Variants in IL1RAPL1 observed in about 807,000 individuals in gnomAD.
IL1RAPL1 encodes interleukin 1 receptor accessory protein like 1.
IL1RAPL1 carries 3 observed loss-of-function variants against 48.4 expected under a neutral mutation model. The observed-to-expected ratio is 0.06, with a 90% confidence interval of 0.03 to 0.16. IL1RAPL1 has a LOEUF of 0.16. IL1RAPL1 is among the 10% of genes least tolerant of loss of function. IL1RAPL1 has a pLI of 1.00. For missense variants in IL1RAPL1, 349 were observed against 530.6 expected (o/e 0.66, Z 3.36); for synonymous variants, 185 against 187.7 (o/e 0.99, Z 0.12).
chrX:29,129,566 T>G (rs1273816199), intron 2 of IL1RAPL1, among the ~76,000 whole-genome samples: 2 of 108,438 alleles, frequency 1.8e-5, no homozygotes, highest in African/African-American at 3.3e-5. Flanking sequence ...GTGAATTAAC[T>G]GTATATGCAG....
At chrX:29,659,810 G>A (rs1430585188) in intron 5 of IL1RAPL1, among the ~76,000 whole-genome samples, 1 of 111,545 alleles carries the variant, frequency 9.0e-6, no homozygotes, top group East Asian at 2.8e-4. Context: ...GAAGATTTTT[G>A]CTGTTGAGTT....
intron 2 of IL1RAPL1, among the ~76,000 whole-genome samples, chrX:28,970,398 C>A (rs1037272824): frequency 8.9e-6 from 1 of 112,436 alleles, no homozygotes; most frequent in East Asian, 2.8e-4. Flanking sequence ...AATGGGTACA[C>A]AAAGAACAGA....
intron 6 of IL1RAPL1, among the ~76,000 whole-genome samples, chrX:29,712,231 T>C (rs1182877683): frequency 9.0e-6 from 1 of 110,516 alleles, no homozygotes; most frequent in Non-Finnish European, 1.9e-5. Flanking sequence ...CTTCCTTCTA[T>C]TTTTATGAAT....
rs774435548 is a variant in IL1RAPL1 at position 29,173,914 on chromosome X, T to G, written c.83-109024T>G. On this transcript the variant is annotated intron_variant, in intron 2 of 10. Coordinates refer to ENST00000378993, the MANE Select transcript of IL1RAPL1 (RefSeq NM_014271.4). ...CATATGGATTTATAAAAATGAACAATCAACAAGATGCTTTTTTTTTTTTGA... is the reference window on the plus strand; with the variant it reads ...CATATGGATTTATAAAAATGAACAAGCAACAAGATGCTTTTTTTTTTTTGA... 1.8e-4 allele frequency among the ~76,000 whole-genome samples: 20 copies of G among 110,222 alleles called. 1 individual carries two copies. The highest frequency in any genetic ancestry group is 9.7e-5 in the Admixed American group (1 of 10,296).
chrX:29,027,928 G>T (rs973236138), intron 2 of IL1RAPL1, among the ~76,000 whole-genome samples: 52 of 108,981 alleles, frequency 4.8e-4, no homozygotes, highest in African/African-American at 1.7e-3. Context: ...CTTTTTGTGT[G>T]TGTGTGTGTG....
chrX:29,178,933 C>T (rs1197916488), intron 2 of IL1RAPL1, among the ~76,000 whole-genome samples: 1 of 111,424 alleles, frequency 9.0e-6, no homozygotes, highest in Non-Finnish European at 1.9e-5. Flanking sequence ...TCTGAGGGCT[C>T]TGTTCTGTTC....
chrX:28,625,495 A>G (rs917536471), intron 1 of IL1RAPL1, among the ~76,000 whole-genome samples: 13 of 111,604 alleles, frequency 1.2e-4, no homozygotes, highest in Non-Finnish European at 2.3e-4. Flanking sequence ...TATTTAGCAA[A>G]CACATGGGAA....
chrX:28,907,308 G>A lies in IL1RAPL1; in HGVS notation c.82+117883G>A, dbSNP rs79121467. ...CTCACTCTGTCACCCAGGCTGGAGT[G>A]CAATGGCACGATCTTGGCTCACTGC... is the stretch of plus-strand genomic sequence containing the variant. On this transcript the variant is annotated intron_variant, in intron 2 of 10. Transcript: ENST00000378993. Among the ~76,000 whole-genome samples, 4 of 111,911 alleles carry A rather than the reference G, an allele frequency of 3.6e-5. No individual in the cohort carries two copies. In the East Asian group the frequency reaches 1.1e-3, roughly 31 times the overall value.
intron 1 of IL1RAPL1, among the ~76,000 whole-genome samples, chrX:28,773,713 T>C (rs1225396350): frequency 1.8e-5 from 2 of 111,660 alleles, no homozygotes; most frequent in African/African-American, 6.5e-5. Context: ...CTCCCCTATA[T>C]CACCAATTTA....
At chrX:29,255,123 TTGTGTGTGTGTGTGTGTGCGTG>T (rs1204734647) in intron 2 of IL1RAPL1, among the ~76,000 whole-genome samples, 2 of 97,065 alleles carry the variant, frequency 2.1e-5, no homozygotes, top group Non-Finnish European at 4.0e-5. Flanking sequence ...ACTAAGGTAT[TTGTGTGTGTGTGTGTGTGCGTG>T]TGTGTGTGTG....
chrX:29,406,321 A>G (rs1031918787), intron 5 of IL1RAPL1, among the ~76,000 whole-genome samples: 6 of 110,133 alleles, frequency 5.4e-5, no homozygotes, highest in Non-Finnish European at 7.6e-5. Flanking sequence ...CCTGGGAGGC[A>G]GAGCTTGTAG....
chrX:29,816,527 A>G (rs1258457076), intron 6 of IL1RAPL1, among the ~76,000 whole-genome samples: 1 of 110,067 alleles, frequency 9.1e-6, no homozygotes, highest in Non-Finnish European at 1.9e-5. Context: ...TACTGAAACT[A>G]TTCCAAAAAA....
At chrX:29,632,074 A>G (rs1400112226) in intron 5 of IL1RAPL1, among the ~76,000 whole-genome samples, 6 of 111,129 alleles carry the variant, frequency 5.4e-5, no homozygotes, top group African/African-American at 9.8e-5. Context: ...ATCTCTTCCC[A>G]TTCAATCTCA....
chrX:29,179,226 G>T (rs1308351150), intron 2 of IL1RAPL1, among the ~76,000 whole-genome samples: 1 of 111,383 alleles, frequency 9.0e-6, no homozygotes, highest in African/African-American at 3.3e-5. Context: ...TCCTACCCAT[G>T]AGCATGGAAT....
chrX:29,720,262 C>T (rs1927602342), intron 6 of IL1RAPL1, among the ~76,000 whole-genome samples: 1 of 110,939 alleles, frequency 9.0e-6, no homozygotes, highest in Admixed American at 9.6e-5. Flanking sequence ...GGTATATACC[C>T]AAAGGATTAT....
At chrX:29,529,957 CAAAA>C (rs1176447352) in intron 5 of IL1RAPL1, among the ~76,000 whole-genome samples, 1 of 111,159 alleles carries the variant, frequency 9.0e-6, no homozygotes, top group Non-Finnish European at 1.9e-5. Context: ...ATCAAATTAA[CAAAA>C]AACAAAAAAT....
At chrX:28,718,871 T>C (rs1423865210) in intron 1 of IL1RAPL1, among the ~76,000 whole-genome samples, 3 of 111,400 alleles carry the variant, frequency 2.7e-5, no homozygotes, top group Non-Finnish European at 5.7e-5. Flanking sequence ...TAAAACTAAC[T>C]TATTTGACTC....
intron 1 of IL1RAPL1, among the ~76,000 whole-genome samples, chrX:28,707,091 G>A (rs1935382930): frequency 8.9e-6 from 1 of 112,435 alleles, no homozygotes; most frequent in African/African-American, 3.2e-5. Flanking sequence ...TGAATATATA[G>A]TGTGGCAGAT....
Position 29,803,457 on chromosome X carries a change from A to G in IL1RAPL1, c.779-114007A>G, listed in dbSNP as rs748373198. On this transcript the variant is annotated intron_variant, in intron 6 of 10. Transcript: ENST00000378993. ...TATACATCTATGTATATATGTGTGT[A>G]TATATGTATATATGTATACATATAT... 2.7e-3 allele frequency among the ~76,000 whole-genome samples: 248 copies of G among 90,896 alleles called. 3 individuals carry two copies. The highest frequency in any genetic ancestry group is 8.4e-3 in the African/African-American group (221 of 26,177). The allele number at this position is 90,896 out of a possible 115,157, so 78.9% of individuals were successfully genotyped here.
Sources: allele counts gnomAD v4.1 joint callset (sites outside exome capture counted in the v4.1 genomes callset), GRCh38; gene constraint gnomAD v4.1.1; transcripts MANE v1.5; gene names NCBI Gene and HGNC (gene_info 2026-07-23, HGNC 2026-07-21).